Variants in MSRA observed in about 807,000 individuals in gnomAD.
MSRA encodes mitochondrial peptide methionine sulfoxide reductase.
In MSRA, 54 loss-of-function variants were observed where a neutral mutation model predicts 31.3. The ratio of observed to expected loss-of-function variants is 1.73; its 90% confidence interval spans 1.39 to 2.17. MSRA has a LOEUF of 2.17. Ranked by LOEUF, MSRA falls within the 30% of genes most tolerant of loss-of-function variation. The probability of loss-of-function intolerance (pLI) is 0.00; values close to 1 mark genes in which losing one functional copy is unlikely to be tolerated. For synonymous variants in MSRA, 169 were observed against 116.5 expected (o/e 1.45, Z -2.90); for missense variants, 507 against 300.9 (o/e 1.69, Z -5.07).
At chr8:10,229,775 C>G (rs967299998) in intron 2 of MSRA, among the ~76,000 whole-genome samples, 2 of 152,174 alleles carry the variant, frequency 1.3e-5, no homozygotes, top group African/African-American at 2.4e-5. Context: ...GCACGTAAGT[C>G]TGATGGAAAT....
intron 5 of MSRA, among the ~76,000 whole-genome samples, chr8:10,395,029 C>G (rs1299745681): frequency 2.0e-5 from 3 of 152,222 alleles, no homozygotes; most frequent in African/African-American, 7.2e-5. Context: ...TCCCTGTCCT[C>G]TAGTTGGCTT....
At chr8:10,129,936 A>G (rs1253355278) in intron 1 of MSRA, among the ~76,000 whole-genome samples, 1 of 152,196 alleles carries the variant, frequency 6.6e-6, no homozygotes, top group African/African-American at 2.4e-5. Flanking sequence ...AACCTGTGAC[A>G]TAAAATATAT....
intron 2 of MSRA, among the ~76,000 whole-genome samples, chr8:10,210,337 G>C (rs1038701080): frequency 6.6e-6 from 1 of 152,206 alleles, no homozygotes; most frequent in Non-Finnish European, 1.5e-5. Flanking sequence ...TTGTTGTGAT[G>C]TTCCCTGACT....
intron 1 of MSRA, among the ~76,000 whole-genome samples, chr8:10,117,263 G>C (rs1008713384): frequency 6.6e-6 from 1 of 152,160 alleles, no homozygotes; most frequent in Non-Finnish European, 1.5e-5. Flanking sequence ...AACATGGGAT[G>C]GGGGAGGAGA....
At chr8:10,249,589 T>G (rs933516154) in intron 3 of MSRA, among the ~76,000 whole-genome samples, 1 of 152,172 alleles carries the variant, frequency 6.6e-6, no homozygotes, top group Admixed American at 6.5e-5. Context: ...CTCACCCAGA[T>G]GTTTTGGGCC....
At chr8:10,219,510 T>C (rs1337573232) in intron 2 of MSRA, among the ~76,000 whole-genome samples, 1 of 152,048 alleles carries the variant, frequency 6.6e-6, no homozygotes, top group African/African-American at 2.4e-5. Flanking sequence ...AATAAAATAA[T>C]TCCCATGAAT....
chr8:10,404,113 G>C (rs1807642266), intron 5 of MSRA, among the ~76,000 whole-genome samples: 1 of 152,098 alleles, frequency 6.6e-6, no homozygotes, highest in Admixed American at 6.6e-5. Context: ...TGCTTCAAAG[G>C]ATCTAGGGGG....
chr8:10,350,798 C>T (rs764888623), intron 5 of MSRA, among the ~76,000 whole-genome samples: 4 of 152,204 alleles, frequency 2.6e-5, no homozygotes, highest in Non-Finnish European at 5.9e-5. Flanking sequence ...CGCGCCTCCC[C>T]CTTCACAGCA....
intron 1 of MSRA, among the ~76,000 whole-genome samples, chr8:10,103,600 C>G (rs1342202829): frequency 1.3e-5 from 2 of 152,146 alleles, no homozygotes; most frequent in South Asian, 4.1e-4. Flanking sequence ...ACATGGGAGA[C>G]AATTATCTAG....
intron 2 of MSRA, among the ~76,000 whole-genome samples, chr8:10,237,941 G>A (rs1260473920): frequency 6.6e-6 from 1 of 152,072 alleles, no homozygotes; most frequent in Non-Finnish European, 1.5e-5. Flanking sequence ...CTCAACCGAG[G>A]ACAGCCAGAG....
intron 3 of MSRA, among the ~76,000 whole-genome samples, chr8:10,285,634 C>G (rs1234702771): frequency 6.6e-6 from 1 of 151,906 alleles, no homozygotes; most frequent in South Asian, 2.1e-4. Flanking sequence ...ACCAGTCTCT[C>G]CCTATATCCC....
intron 1 of MSRA, among the ~76,000 whole-genome samples, chr8:10,108,329 G>T (rs2129012080): frequency 6.6e-6 from 1 of 152,270 alleles, no homozygotes; most frequent in East Asian, 1.9e-4. Flanking sequence ...ACTCCTGTTT[G>T]TTGAGCCCTC....
At chr8:10,089,137 C>T (rs1007681482) in intron 1 of MSRA, among the ~76,000 whole-genome samples, 11 of 74,940 alleles carry the variant, frequency 1.5e-4, no homozygotes, top group Admixed American at 3.6e-4. Flanking sequence ...CTGCTTTTGT[C>T]CCACACACAC....
intron 1 of MSRA, among the ~76,000 whole-genome samples, chr8:10,151,490 A>C (rs942658345): frequency 6.6e-6 from 1 of 151,990 alleles, no homozygotes; most frequent in African/African-American, 2.4e-5. Flanking sequence ...AAAAATACAA[A>C]AAATAAAAAA....
At chr8:10,319,756 C>G (rs188979893) in intron 4 of MSRA, 127 bp from the exon 5 acceptor site, 365 of 450,188 alleles carry the variant, frequency 8.1e-4, no homozygotes, top group Non-Finnish European at 1.2e-3. Context: ...TTAAAACAAG[C>G]ACTTAGCAAC....
intron 3 of MSRA, among the ~76,000 whole-genome samples, chr8:10,253,587 G>T (rs1798026788): frequency 6.6e-6 from 1 of 152,164 alleles, no homozygotes; most frequent in Non-Finnish European, 1.5e-5. Context: ...ATTGTTTTAG[G>T]ATTATATTCT....
chr8:10,097,785 A>C (rs1799274977), intron 1 of MSRA, among the ~76,000 whole-genome samples: 1 of 152,186 alleles, frequency 6.6e-6, no homozygotes, highest in African/African-American at 2.4e-5. Flanking sequence ...AAGTAGGTGA[A>C]TTAAAAAACA....
chr8:10,230,766 C>T (rs1228045753), intron 2 of MSRA, among the ~76,000 whole-genome samples: 1 of 152,044 alleles, frequency 6.6e-6, no homozygotes, highest in South Asian at 2.1e-4. Flanking sequence ...TTGCATCTTA[C>T]CTATTTGTGG....
chr8:10,133,469 C>A (rs1308354388), intron 1 of MSRA, among the ~76,000 whole-genome samples: 3 of 152,160 alleles, frequency 2.0e-5, no homozygotes, highest in African/African-American at 4.8e-5. Flanking sequence ...GGTCTTAGGT[C>A]TCTCCTCTGT....
Sources: gnomAD v4.1 joint callset for allele counts (sites outside exome capture counted in the v4.1 genomes callset) on GRCh38, gnomAD v4.1.1 for gene constraint, MANE v1.5 for transcripts, NCBI Gene and HGNC (gene_info 2026-07-23, HGNC 2026-07-21) for gene names.